RAB27B: variants seen among roughly 807,000 people sequenced by gnomAD.
RAB27B encodes the protein RAB27B, member RAS oncogene family, also known as ras-related protein Rab-27B.
RAB27B carries 15 observed loss-of-function variants against 24.6 expected under a neutral mutation model. The observed-to-expected ratio is 0.61, with a 90% CI of 0.41 to 0.94. The LOEUF (loss-of-function observed/expected upper bound fraction) is 0.94. Among genes scored for constraint, RAB27B ranks in the 40% least tolerant of loss-of-function variants. The pLI is 0.00. For synonymous variants in RAB27B, 105 were observed against 92.5 expected, an observed-to-expected ratio of 1.14 and a Z score of -0.78; for missense variants, 261 against 266.8, an observed-to-expected ratio of 0.98 and a Z score of 0.15.
chr18:54,807,988 G>A (rs550288985), intron 2 of RAB27B, among the ~76,000 whole-genome samples: 1 of 152,268 alleles, frequency 6.6e-6, no homozygotes, highest in South Asian at 2.1e-4. Context: ...TTTTGAAGCA[G>A]GAGTTAATTT....
chr18:54,869,960 C>T (rs1912397070), intron 1 of RAB27B, among the ~76,000 whole-genome samples: 3 of 152,020 alleles, frequency 2.0e-5, no homozygotes, highest in Admixed American at 2.0e-4. Flanking sequence ...CCGAAGAAAA[C>T]AGAAGATAAT....
At chr18:54,865,621 G>A (rs1912188084) in intron 1 of RAB27B, among the ~76,000 whole-genome samples, 1 of 152,160 alleles carries the variant, frequency 6.6e-6, no homozygotes, top group African/African-American at 2.4e-5. Flanking sequence ...TGGATATGAA[G>A]CAGAAGTTCT....
At position 54,718,865 on chromosome 18, in the gene RAB27B, G is replaced by A. The variant is rs549626619; in HGVS notation, c.-20+724G>A. Among the ~76,000 whole-genome samples the A allele has an allele frequency of 4.6e-5, 7 of 152,220 alleles. No homozygotes were observed. In the East Asian group the frequency reaches 1.3e-3, roughly 29 times the overall value. On this transcript the variant is annotated intron_variant, in intron 2 of 4. Transcript: ENST00000586570. ...GAAGGTGCTTTTTAAGAGCCTTGGT[G>A]CCAATTTTATGCATTCAAGGCTCTT...
chr18:54,738,349 T>A (rs1909965190), intron 2 of RAB27B, among the ~76,000 whole-genome samples: 1 of 152,136 alleles, frequency 6.6e-6, no homozygotes, highest in African/African-American at 2.4e-5. Context: ...CCCCATGTAT[T>A]GAGGGAGGGA....
chr18:54,839,821 T>C (rs1390009662), intron 1 of RAB27B, among the ~76,000 whole-genome samples: 1 of 152,224 alleles, frequency 6.6e-6, no homozygotes, highest in Non-Finnish European at 1.5e-5. Flanking sequence ...GAAATGAATT[T>C]ATACTAGAAT....
chr18:54,769,076 A>G (rs548608429), intron 2 of RAB27B, among the ~76,000 whole-genome samples: 1 of 152,278 alleles, frequency 6.6e-6, no homozygotes, highest in East Asian at 1.9e-4. Context: ...TTAACTCAAA[A>G]GTCCACAGTC....
intron 2 of RAB27B, among the ~76,000 whole-genome samples, chr18:54,777,732 A>G (rs1455279701): frequency 6.6e-6 from 1 of 152,186 alleles, no homozygotes; most frequent in East Asian, 1.9e-4. Context: ...TGAAACATAG[A>G]TTTAAGTTGC....
At chr18:54,828,439 C>G (rs1910549588), upstream of RAB27B, 1 of 152,336 alleles carries the variant, frequency 6.6e-6, no homozygotes, top group African/African-American at 2.4e-5. Flanking sequence ...AGCCCCGCCG[C>G]CGCGGCGGAC....
chr18:54,769,230 A>C (rs901229705), intron 2 of RAB27B, among the ~76,000 whole-genome samples: 8 of 152,218 alleles, frequency 5.3e-5, no homozygotes, highest in African/African-American at 1.9e-4. Context: ...GCCAAAAGAA[A>C]GGAGCTACAG....
intron 2 of RAB27B, among the ~76,000 whole-genome samples, chr18:54,772,259 T>C (rs1283344490): frequency 1.3e-5 from 2 of 152,306 alleles, no homozygotes; most frequent in African/African-American, 4.8e-5. Flanking sequence ...AGTAACATAA[T>C]GTATCATGGG....
At chr18:54,815,953 A>G (rs1910108489) in intron 2 of RAB27B, among the ~76,000 whole-genome samples, 1 of 152,206 alleles carries the variant, frequency 6.6e-6, no homozygotes, top group African/African-American at 2.4e-5. Context: ...TACCAGCTAA[A>G]TAAATCTTTC....
At chr18:54,789,009 CTG>C (rs145014633) in intron 2 of RAB27B, among the ~76,000 whole-genome samples, 6,545 of 152,290 alleles carry the variant, frequency 0.043, 203 homozygotes, top group Admixed American at 0.082. Context: ...TCCTAAGTAA[CTG>C]TGACATTTTT....
chr18:54,742,571 C>T (rs1433705391), intron 2 of RAB27B, among the ~76,000 whole-genome samples: 1 of 152,072 alleles, frequency 6.6e-6, no homozygotes, highest in African/African-American at 2.4e-5. Context: ...CTGTGTTTTG[C>T]CTCTGCTAAT....
chr18:54,889,613 A>G lies in RAB27B; in HGVS notation c.*200A>G. On this transcript the variant is annotated 3_prime_UTR_variant, in exon 6 of 6. Coordinates refer to ENST00000262094, the MANE Select transcript of RAB27B (RefSeq NM_004163.4). ...AGTTATCCCTGAGGCCCTTTCAAAC[A>G]TGATCAAAGATTTCCCAATGTGATC... 2.1e-6 allele frequency: 1 copy of G among 472,722 alleles called. No individual in the cohort carries two copies. Among genetic ancestry groups the G allele is most frequent in the Non-Finnish European group, 3.7e-6 (1 of 273,810 alleles). 29.3% of individuals were successfully genotyped at this position (472,722 alleles called of 1,614,324 possible).
intron 2 of RAB27B, among the ~76,000 whole-genome samples, chr18:54,766,047 G>A (rs918073051): frequency 6.6e-6 from 1 of 152,070 alleles, no homozygotes; most frequent in Admixed American, 6.6e-5. Context: ...ACTTTTTGGC[G>A]AAGACACATT....
At position 54,888,095 on chromosome 18, in the gene RAB27B, TC is replaced by T; in HGVS notation, c.445del (p.Arg149GlyfsTer26). ...DQREVNERQA[R>X]ELADKYGIPY... Reference sequence around the variant, plus strand: ...AGAGGGAAGTCAATGAACGGCAAGCTCGGGAACTGGCTGACAAATATGGGTA... The same window carrying T: ...AGAGGGAAGTCAATGAACGGCAAGCTGGGAACTGGCTGACAAATATGGGTA... On this transcript the variant is annotated frameshift_variant, in exon 5 of 6. Coordinates refer to ENST00000262094, the MANE Select transcript of RAB27B (RefSeq NM_004163.4). LOFTEE classifies it high-confidence loss of function. 6.2e-7 allele frequency: 1 copy of T among 1,612,892 alleles called. No homozygotes were observed. Among genetic ancestry groups the T allele is most frequent in the Non-Finnish European group, 8.5e-7 (1 of 1,179,262 alleles).
chr18:54,775,825 G>A lies in RAB27B; in HGVS notation c.-20+57684G>A, dbSNP rs372002711. On this transcript the variant is annotated intron_variant, in intron 2 of 4. Transcript: ENST00000586570. Reference sequence around the variant, plus strand: ...TTCCCCAATCTCTTGCCAATGCACCGGTCACTCATATCAGCTCATGGTCAG... The same window carrying A: ...TTCCCCAATCTCTTGCCAATGCACCAGTCACTCATATCAGCTCATGGTCAG... 1.1e-3 allele frequency among the ~76,000 whole-genome samples: 171 copies of A among 152,178 alleles called. 4 individuals are homozygous for A. The South Asian group carries it at 0.028, about 25-fold the overall frequency.
chr18:54,732,857 T>A (rs1429018366), intron 2 of RAB27B, among the ~76,000 whole-genome samples: 1 of 152,188 alleles, frequency 6.6e-6, no homozygotes, highest in African/African-American at 2.4e-5. Context: ...CTGGGACTTT[T>A]AATCAATAGT....
At chr18:54,839,847 T>G (rs12607380) in intron 1 of RAB27B, among the ~76,000 whole-genome samples, 100,528 of 152,138 alleles carry the variant, frequency 0.66, 35,898 homozygotes, top group East Asian at 0.92. Flanking sequence ...GAGTGAATAT[T>G]TTTATGAAAT....
Sources: gnomAD v4.1 joint callset for allele counts (sites outside exome capture counted in the v4.1 genomes callset) on GRCh38, gnomAD v4.1.1 for gene constraint, MANE v1.5 for transcripts, NCBI Gene and HGNC (gene_info 2026-07-23, HGNC 2026-07-21) for gene names.